The following TEX9 variants were observed in gnomAD, a reference collection of about 807,000 sequenced individuals.
TEX9 encodes testis-expressed protein 9.
In TEX9, 74 loss-of-function variants were observed where a neutral mutation model predicts 59.6. That is an observed-to-expected ratio of 1.24 (90% confidence interval 1.03 to 1.51). The LOEUF (loss-of-function observed/expected upper bound fraction) is 1.51. Ranked by LOEUF, TEX9 falls within the 40% of genes most tolerant of loss-of-function variation. The pLI, the probability that TEX9 is intolerant of heterozygous loss-of-function variation, is 0.00. For missense variants in TEX9, 522 were observed against 447.8 expected, an observed-to-expected ratio of 1.17 and a Z score of -1.49; for synonymous variants, 186 against 152.2, an observed-to-expected ratio of 1.22 and a Z score of -1.64.
At chr15:56,446,544 G>A (rs1355052128), downstream of TEX9, among the ~76,000 whole-genome samples, 5 of 151,958 alleles carry the variant, frequency 3.3e-5, no homozygotes, top group East Asian at 3.9e-4. Context: ...CACTTATCAT[G>A]GTAACAATTT....
intron 3 of TEX9, chr15:56,374,228 T>C (rs2047321424): frequency 6.7e-6 from 1 of 148,902 alleles, no homozygotes; most frequent in Non-Finnish European, 1.5e-5. Context: ...GACAGATTCA[T>C]TACGTTTTCT....
chr15:56,440,162 A>G (rs189447059), intron 12 of TEX9, among the ~76,000 whole-genome samples: 3 of 152,320 alleles, frequency 2.0e-5, no homozygotes, highest in East Asian at 3.9e-4. Flanking sequence ...AAATAAGCAC[A>G]TGAAAAGATG....
At chr15:56,256,850 T>A (rs897724202) in intron 1 of TEX9, among the ~76,000 whole-genome samples, 1 of 152,086 alleles carries the variant, frequency 6.6e-6, no homozygotes, top group Admixed American at 6.6e-5. Flanking sequence ...ATGTGTGTCA[T>A]GGGGGTTTGT....
At chr15:56,351,575 A>G (rs1383208326) in intron 1 of TEX9, among the ~76,000 whole-genome samples, 3 of 152,190 alleles carry the variant, frequency 2.0e-5, no homozygotes, top group African/African-American at 7.2e-5. Context: ...AATGGAGAGA[A>G]TGGGAGAACA....
At chr15:56,428,670 C>A (rs1458001239) in intron 12 of TEX9, 2 of 401,070 alleles carry the variant, frequency 5.0e-6, no homozygotes, top group Non-Finnish European at 8.8e-6. Context: ...TAATAAAATT[C>A]TTGACTCTTT....
intron 1 of TEX9, among the ~76,000 whole-genome samples, chr15:56,318,788 A>C (rs942141474): frequency 6.6e-6 from 1 of 152,100 alleles, no homozygotes; most frequent in Non-Finnish European, 1.5e-5. Context: ...TAGTATATAA[A>C]AATTTGCTCC....
At chr15:56,282,517 GA>G (rs1200200748) in intron 1 of TEX9, among the ~76,000 whole-genome samples, 2 of 152,166 alleles carry the variant, frequency 1.3e-5, no homozygotes, top group East Asian at 3.9e-4. Flanking sequence ...AGGTGAACCA[GA>G]AATAAACTCT....
intron 7 of TEX9, among the ~76,000 whole-genome samples, chr15:56,391,824 A>G (rs1024298139): frequency 2.0e-5 from 3 of 152,272 alleles, no homozygotes; most frequent in South Asian, 2.1e-4. Context: ...AATATATTTT[A>G]TTTATTGCAT....
intron 1 of TEX9, among the ~76,000 whole-genome samples, chr15:56,347,917 T>TA (rs1165143681): frequency 8.6e-5 from 13 of 151,688 alleles, no homozygotes; most frequent in Admixed American, 6.6e-4. Context: ...AACCCAACAG[T>TA]AAAAAAAATC....
At chr15:56,440,057 C>T (rs1168208835) in intron 12 of TEX9, among the ~76,000 whole-genome samples, 3 of 151,992 alleles carry the variant, frequency 2.0e-5, no homozygotes, top group African/African-American at 7.2e-5. Context: ...ACTCTCAAAA[C>T]CCAACAATAA....
chr15:56,266,472 C>A (rs1159992030), intron 1 of TEX9, among the ~76,000 whole-genome samples: 1 of 139,724 alleles, frequency 7.2e-6, no homozygotes, highest in Admixed American at 7.1e-5. Context: ...CTATCCGTCC[C>A]CCATCCCCCC....
At chr15:56,398,205 C>A (rs1489138943) in intron 9 of TEX9, 1 of 152,052 alleles carries the variant, frequency 6.6e-6, no homozygotes, top group Non-Finnish European at 1.5e-5. Context: ...TTGAAGAATT[C>A]ATGTAAAACA....
chr15:56,303,155 G>A lies in TEX9; in HGVS notation c.-107+58877G>A, dbSNP rs1455429851. Among the ~76,000 whole-genome samples, 4 of 152,138 alleles carry A rather than the reference G, an allele frequency of 2.6e-5. No homozygotes were observed. In the East Asian group the frequency reaches 7.7e-4, roughly 29 times the overall value. ...TTACAGCATTGGACAGATCATCCAG[G>A]TAGAAAATCAGCAAAGAAACATTGG... is the stretch of plus-strand genomic sequence containing the variant. On this transcript the variant is annotated intron_variant, in intron 1 of 5. Transcript: ENST00000560827.
intron 1 of TEX9, among the ~76,000 whole-genome samples, chr15:56,256,090 T>C (rs1297764946): frequency 6.6e-6 from 1 of 152,096 alleles, no homozygotes; most frequent in African/African-American, 2.4e-5. Flanking sequence ...AAATTTAAAA[T>C]GAAATTATAA....
intron 3 of TEX9, among the ~76,000 whole-genome samples, chr15:56,383,519 C>T (rs757414189): frequency 8.5e-5 from 13 of 152,172 alleles, no homozygotes; most frequent in Non-Finnish European, 1.9e-4. Context: ...GCTTTTACCC[C>T]TGATACTTCA....
intron 1 of TEX9, among the ~76,000 whole-genome samples, chr15:56,267,348 T>A (rs1258818370): frequency 3.3e-4 from 50 of 152,222 alleles, no homozygotes; most frequent in African/African-American, 1.2e-3. Context: ...CCCATTTGTC[T>A]ATTTTGGATT....
chr15:56,450,451 A>G (rs756435116), downstream of TEX9, among the ~76,000 whole-genome samples: 1 of 152,128 alleles, frequency 6.6e-6, no homozygotes, highest in Admixed American at 6.5e-5. Context: ...GGAATTCCTA[A>G]TCTGCATTTT....
chr15:56,327,163 G>T (rs1484292640), intron 1 of TEX9, among the ~76,000 whole-genome samples: 2 of 151,946 alleles, frequency 1.3e-5, no homozygotes, highest in South Asian at 2.1e-4. Flanking sequence ...ACATTAATTT[G>T]TAGTTGTCTT....
At chr15:56,336,050 A>G (rs1478258735) in intron 1 of TEX9, among the ~76,000 whole-genome samples, 1 of 152,222 alleles carries the variant, frequency 6.6e-6, no homozygotes, top group Non-Finnish European at 1.5e-5. Context: ...AGTCCAGTTC[A>G]GTACCATCAT....
Sources: allele counts gnomAD v4.1 joint callset (sites outside exome capture counted in the v4.1 genomes callset), GRCh38; gene constraint gnomAD v4.1.1; transcripts MANE v1.5; gene names NCBI Gene and HGNC (gene_info 2026-07-23, HGNC 2026-07-21).